HYCC1: variants seen among roughly 807,000 people sequenced by gnomAD.
HYCC1 encodes hyccin PI4KA lipid kinase complex subunit 1, also known as hyccin.
At chr7:22,954,034 G>A in the HYCC1 span, among the ~76,000 whole-genome samples, 6 of 151,172 alleles carry the variant, frequency 4.0e-5, no homozygotes, top group African/African-American at 1.5e-4. Context: ...ACTACTTTGG[G>A]GTTTAAAATT....
the HYCC1 span, among the ~76,000 whole-genome samples, chr7:22,899,962 A>G: frequency 6.6e-6 from 1 of 152,150 alleles, no homozygotes. Context: ...AGGAAATTTC[A>G]TTTTTGTAGT....
the HYCC1 span, among the ~76,000 whole-genome samples, chr7:22,921,390 T>A: frequency 2.6e-4 from 40 of 152,166 alleles, no homozygotes; most frequent in African/African-American, 9.4e-4. Flanking sequence ...AAAGAAGAAG[T>A]TAAATATAGC....
At chr7:22,945,635 C>G in the HYCC1 span, 1 of 1,613,554 alleles carries the variant, frequency 6.2e-7, no homozygotes, top group Non-Finnish European at 8.5e-7. Context: ...TCTCTGCTGA[C>G]CTGATTGATG....
the HYCC1 span, among the ~76,000 whole-genome samples, chr7:22,900,213 C>A: frequency 2.0e-5 from 3 of 151,908 alleles, no homozygotes; most frequent in East Asian, 5.8e-4. Flanking sequence ...ATAACAACAA[C>A]AAAAAAAAGA....
At chr7:22,976,762 T>C in the HYCC1 span, 21 of 1,613,536 alleles carry the variant, frequency 1.3e-5, no homozygotes, top group African/African-American at 2.7e-4. Context: ...CAAACCATGC[T>C]GGGATAGTGC....
the HYCC1 span, among the ~76,000 whole-genome samples, chr7:23,004,149 G>A: frequency 3.3e-5 from 5 of 152,308 alleles, no homozygotes; most frequent in East Asian, 1.9e-4. Flanking sequence ...TAACCTAGAC[G>A]TTGTTTTGTA....
the HYCC1 span, among the ~76,000 whole-genome samples, chr7:23,007,330 T>C: frequency 6.6e-6 from 1 of 152,192 alleles, no homozygotes; most frequent in Non-Finnish European, 1.5e-5. Context: ...AAATTGAGTT[T>C]AAACTTTGTG....
the HYCC1 span, among the ~76,000 whole-genome samples, chr7:22,979,210 G>A: frequency 6.6e-6 from 1 of 152,122 alleles, no homozygotes; most frequent in Non-Finnish European, 1.5e-5. Context: ...ATTTACAGTG[G>A]ATGTTTTGAT....
chr7:22,994,539 T>C, the HYCC1 span, among the ~76,000 whole-genome samples: 1 of 152,150 alleles, frequency 6.6e-6, no homozygotes, highest in Admixed American at 6.5e-5. Context: ...TTTCTGTATG[T>C]ATATTATACA....
the HYCC1 span, chr7:22,960,231 A>G: frequency 6.2e-7 from 1 of 1,606,876 alleles, no homozygotes; most frequent in Non-Finnish European, 8.5e-7. Context: ...CAATGGTTTG[A>G]CTTGAAGAGT....
chr7:23,014,046 G>T, the HYCC1 span: 1 of 471,038 alleles, frequency 2.1e-6, no homozygotes. Context: ...CTTCCTAGCA[G>T]AACGGGTCCC....
At chr7:22,982,165 TA>T in the HYCC1 span, among the ~76,000 whole-genome samples, 1 of 152,212 alleles carries the variant, frequency 6.6e-6, no homozygotes, top group Non-Finnish European at 1.5e-5. Flanking sequence ...TATATAATTC[TA>T]AACCAAACAT....
At chr7:22,945,437 A>T in the HYCC1 span, 12 of 658,378 alleles carry the variant, frequency 1.8e-5, no homozygotes, top group Non-Finnish European at 3.0e-5. Context: ...CAACCTAGAC[A>T]ATCTTCCCTT....
the HYCC1 span, among the ~76,000 whole-genome samples, chr7:22,966,144 T>G: frequency 2.0e-5 from 3 of 152,156 alleles, no homozygotes; most frequent in Non-Finnish European, 4.4e-5. Context: ...AATAAACAAA[T>G]AGGCGTATAG....
At chr7:22,996,940 G>A in the HYCC1 span, among the ~76,000 whole-genome samples, 3 of 152,238 alleles carry the variant, frequency 2.0e-5, no homozygotes, top group South Asian at 6.2e-4. Context: ...AAAGATAAAA[G>A]AGACAATTAA....
At chr7:22,973,112 G>A in the HYCC1 span, among the ~76,000 whole-genome samples, 1 of 152,266 alleles carries the variant, frequency 6.6e-6, no homozygotes, top group Non-Finnish European at 1.5e-5. Flanking sequence ...TGGCAAACAG[G>A]ATTAGATGGC....
At chr7:22,989,349 T>C in the HYCC1 span, among the ~76,000 whole-genome samples, 3 of 151,968 alleles carry the variant, frequency 2.0e-5, no homozygotes, top group South Asian at 4.2e-4. Context: ...TTTTTTGTTT[T>C]GTTTTGTTTT....
the HYCC1 span, among the ~76,000 whole-genome samples, chr7:22,927,138 A>T: frequency 6.6e-6 from 1 of 152,242 alleles, no homozygotes; most frequent in Non-Finnish European, 1.5e-5. Flanking sequence ...AACCAACGAG[A>T]ACAAAGATAC....
At chr7:22,940,819 CT>C in the HYCC1 span, 1,636 of 135,028 alleles carry the variant, frequency 0.012, 14 homozygotes, top group African/African-American at 0.025. Context: ...TCTTCTTTTG[CT>C]TTTTTTTTTT....
Sources: gnomAD v4.1 joint callset for allele counts (sites outside exome capture counted in the v4.1 genomes callset) on GRCh38, gnomAD v4.1.1 for gene constraint, MANE v1.5 for transcripts, NCBI Gene and HGNC (gene_info 2026-07-23, HGNC 2026-07-21) for gene names.